DSCAML1: variants seen among roughly 807,000 people sequenced by gnomAD.
DSCAML1 encodes cell adhesion molecule DSCAML1.
In DSCAML1, 38 loss-of-function variants were observed where a neutral mutation model predicts 200.5. That is an observed-to-expected ratio of 0.19 (90% CI 0.15 to 0.25). The LOEUF is 0.25. Ranked by LOEUF, DSCAML1 falls within the 10% of genes least tolerant of loss-of-function variation. The pLI is 1.00. For missense variants in DSCAML1, 2,223 were observed against 2,858.8 expected, an observed-to-expected ratio of 0.78 and a Z score of 5.07; for synonymous variants, 1,215 against 1,165.0, an observed-to-expected ratio of 1.04 and a Z score of -0.87.
intron 1 of DSCAML1, among the ~76,000 whole-genome samples, chr11:117,810,956 C>T (rs2055755851): frequency 6.6e-6 from 1 of 152,088 alleles, no homozygotes. Context: ...CCCATCTGAC[C>T]TCTCCCCTCC....
At chr11:117,749,144 G>T (rs73585240) in intron 3 of DSCAML1, among the ~76,000 whole-genome samples, 2,644 of 152,242 alleles carry the variant, frequency 0.017, 67 homozygotes, top group African/African-American at 0.06. Flanking sequence ...AGAACTACCA[G>T]CTCCTCCTCC....
rs989409114 is a variant in DSCAML1, at chr11:117,463,072, G to C, written c.3266-1476C>G. On this transcript the variant is annotated intron_variant, in intron 17 of 32. Transcript: ENST00000651296. The surrounding 1 kb of genome is among the most constrained non-coding windows in gnomAD (Gnocchi z 4.0). Reference sequence around the variant, plus strand: ...GGGCAGGCTGGCCTCGGCTCAGCACGACTGTTCCCTGGACACACCTTCCTA... The same window carrying C: ...GGGCAGGCTGGCCTCGGCTCAGCACCACTGTTCCCTGGACACACCTTCCTA... 7.9e-5 allele frequency among the ~76,000 whole-genome samples: 12 copies of C among 152,214 alleles called. No homozygotes were observed.
At chr11:117,591,160 G>T (rs551554) in intron 3 of DSCAML1, among the ~76,000 whole-genome samples, 97,463 of 152,040 alleles carry the variant, frequency 0.64, 32,333 homozygotes, top group African/African-American at 0.83. Flanking sequence ...ATTCATTTAT[G>T]TATTTATTCA....
intron 3 of DSCAML1, among the ~76,000 whole-genome samples, chr11:117,765,380 C>T (rs754483438): frequency 1.2e-4 from 18 of 152,182 alleles, no homozygotes; most frequent in East Asian, 3.9e-4. Flanking sequence ...ACATTAAGGG[C>T]GTCCCTGCCT....
intron 3 of DSCAML1, among the ~76,000 whole-genome samples, chr11:117,627,362 G>C (rs895852790): frequency 6.6e-6 from 1 of 152,024 alleles, no homozygotes; most frequent in Admixed American, 6.5e-5. Flanking sequence ...GTTTTCATTC[G>C]CCCTGCCCTG....
intron 3 of DSCAML1, among the ~76,000 whole-genome samples, chr11:117,626,757 C>A (rs956771124): frequency 2.6e-5 from 4 of 152,206 alleles, no homozygotes; most frequent in Non-Finnish European, 5.9e-5. Context: ...GACCACCCCA[C>A]ATCCCTGGAC....
chr11:117,458,680 G>A (rs1253134626), intron 19 of DSCAML1, 74 bp downstream of exon 19: 3 of 1,561,588 alleles, frequency 1.9e-6, no homozygotes, highest in Admixed American at 3.6e-5. Flanking sequence ...CTCTCACCCT[G>A]CCTCCTGGGG....
intron 3 of DSCAML1, among the ~76,000 whole-genome samples, chr11:117,672,239 T>G (rs551107418): frequency 6.6e-6 from 1 of 152,192 alleles, no homozygotes; most frequent in South Asian, 2.1e-4. Context: ...AAGCAAGGAT[T>G]ACACTCAGGC....
chr11:117,787,049 G>A (rs1000422126), intron 1 of DSCAML1, among the ~76,000 whole-genome samples: 2 of 152,168 alleles, frequency 1.3e-5, no homozygotes, highest in Non-Finnish European at 2.9e-5. Context: ...TCTGTCTCCT[G>A]GGCACATACT....
intron 3 of DSCAML1, among the ~76,000 whole-genome samples, chr11:117,644,827 T>G (rs2052489677): frequency 6.6e-6 from 1 of 152,158 alleles, no homozygotes; most frequent in South Asian, 2.1e-4. Flanking sequence ...GTTGGTGTGG[T>G]CAAGGGATCT....
At chr11:117,782,919 T>C (rs2055289105) in intron 1 of DSCAML1, among the ~76,000 whole-genome samples, 1 of 151,484 alleles carries the variant, frequency 6.6e-6, no homozygotes, top group Non-Finnish European at 1.5e-5. Flanking sequence ...ACAAAACCAG[T>C]AAGTGAGGGC....
intron 1 of DSCAML1, among the ~76,000 whole-genome samples, chr11:117,814,816 C>T (rs2055789985): frequency 6.6e-6 from 1 of 152,186 alleles, no homozygotes; most frequent in South Asian, 2.1e-4. Context: ...CCCCTCCTGC[C>T]CCCTGGGGCG....
chr11:117,565,390 A>G (rs2050739306), intron 3 of DSCAML1, among the ~76,000 whole-genome samples: 1 of 152,220 alleles, frequency 6.6e-6, no homozygotes, highest in Admixed American at 6.5e-5. Flanking sequence ...CAGTGACCCT[A>G]TTGATCTATA....
intron 3 of DSCAML1, among the ~76,000 whole-genome samples, chr11:117,572,111 T>C (rs2050857094): frequency 6.6e-6 from 1 of 152,376 alleles, no homozygotes; most frequent in East Asian, 1.9e-4. Context: ...GGAATAGCCA[T>C]TCTTTTATTT....
intron 3 of DSCAML1, among the ~76,000 whole-genome samples, chr11:117,765,957 T>C (rs2054889648): frequency 6.6e-6 from 1 of 152,220 alleles, no homozygotes; most frequent in Non-Finnish European, 1.5e-5. Flanking sequence ...TGGTGGCTTT[T>C]TTCCAGCAAC....
intron 14 of DSCAML1, among the ~76,000 whole-genome samples, chr11:117,478,926 T>C (rs1028341341): frequency 1.3e-5 from 2 of 152,208 alleles, no homozygotes; most frequent in Non-Finnish European, 2.9e-5. Context: ...AACTCCTGGG[T>C]GGCTTACCGC....
At position 117,471,856 on chromosome 11, in the gene DSCAML1, G is replaced by A; in HGVS notation, c.2953+13C>T. The A allele has an allele frequency of 6.6e-7, 1 of 1,509,084 alleles. No individual in the cohort carries two copies. Among genetic ancestry groups the A allele is most frequent in the Non-Finnish European group, 8.9e-7 (1 of 1,122,828 alleles). 93.5% of individuals were successfully genotyped at this position (1,509,084 alleles called of 1,614,324 possible). ...TGAGGCCATGGGCAGGGCAGGCTGG[G>A]TGAGGTGCTCACCGGCCTCCTCAGT... On this transcript the variant is annotated intron_variant, in intron 15 of 32. Transcript: ENST00000651296.
At chr11:117,593,210 C>CA (rs1424586494) in intron 3 of DSCAML1, among the ~76,000 whole-genome samples, 6 of 152,366 alleles carry the variant, frequency 3.9e-5, no homozygotes, top group Admixed American at 3.9e-4. Context: ...GCTTCAGGGT[C>CA]ACAGACTCAC....
chr11:117,670,644 A>C (rs1257027729), intron 3 of DSCAML1, among the ~76,000 whole-genome samples: 1 of 152,160 alleles, frequency 6.6e-6, no homozygotes, highest in Non-Finnish European at 1.5e-5. Context: ...GTGATTGTTC[A>C]CTAAGCAGCA....
Sources: allele counts gnomAD v4.1 joint callset (sites outside exome capture counted in the v4.1 genomes callset), GRCh38; gene constraint gnomAD v4.1.1; non-coding constraint Gnocchi (gnomAD v3.1); transcripts MANE v1.5; gene names NCBI Gene and HGNC (gene_info 2026-07-23, HGNC 2026-07-21).